FAM167A: variants seen among roughly 807,000 people sequenced by gnomAD.
The protein encoded by FAM167A is family with sequence similarity 167 member A, also known as protein FAM167A.
Under a neutral mutation model 14.9 loss-of-function variants are expected in FAM167A, and 23 were observed. The observed-to-expected ratio is 1.55, with a 90% confidence interval of 1.11 to 2.19. The LOEUF is 2.19. FAM167A is among the 30% of genes most tolerant of loss of function. FAM167A has a pLI of 0.00. For synonymous variants in FAM167A, 174 were observed against 117.7 expected, an observed-to-expected ratio of 1.48 and a Z score of -3.10; for missense variants, 401 against 281.5, an observed-to-expected ratio of 1.42 and a Z score of -3.04.
chr8:11,442,709 A>G (rs1485875895), intron 2 of FAM167A, among the ~76,000 whole-genome samples: 1 of 151,926 alleles, frequency 6.6e-6, no homozygotes, highest in Non-Finnish European at 1.5e-5. Context: ...CACCAAGAGC[A>G]CCAGGGGTGA....
At chr8:11,439,888 C>T (rs1478420469) in intron 2 of FAM167A, among the ~76,000 whole-genome samples, 1 of 152,120 alleles carries the variant, frequency 6.6e-6, no homozygotes, top group African/African-American at 2.4e-5. Flanking sequence ...TGCCCAGGGC[C>T]CCATCCCAGG....
At chr8:11,426,431 A>G (rs2116985730) in intron 2 of FAM167A, among the ~76,000 whole-genome samples, 1 of 152,348 alleles carries the variant, frequency 6.6e-6, no homozygotes, top group East Asian at 1.9e-4. Context: ...TAAGTATTTT[A>G]CAGAGTTTGT....
upstream of FAM167A, among the ~76,000 whole-genome samples, chr8:11,470,827 G>A (rs888556811): frequency 3.3e-5 from 5 of 152,048 alleles, no homozygotes; most frequent in South Asian, 2.1e-4. Context: ...TTGTCCATCC[G>A]TGGGCCCAGA....
chr8:11,426,620 G>T (rs888284557), intron 2 of FAM167A, among the ~76,000 whole-genome samples: 1 of 152,178 alleles, frequency 6.6e-6, no homozygotes. Context: ...CCTCAAAGAT[G>T]ATTTTGAGGG....
rs189572348 is a variant in FAM167A at position 11,425,759 on chromosome 8, G to A, written c.382-1123C>T. 4.2e-3 allele frequency among the ~76,000 whole-genome samples: 641 copies of A among 152,252 alleles called. 1 individual carries two copies. Among genetic ancestry groups the A allele is most frequent in the Middle Eastern group, 0.01 (3 of 294 alleles). On this transcript the variant is annotated intron_variant, in intron 2 of 2. Coordinates refer to ENST00000284486, the MANE Select transcript of FAM167A (RefSeq NM_053279.3). ...CTGACAAAACAGACTCTTTGTGGCA[G>A]TAAGGTAGCAAATTCCTGCCTCTGG...
At chr8:11,447,183 CT>C (rs1554528477) in intron 1 of FAM167A, among the ~76,000 whole-genome samples, 7 of 146,990 alleles carry the variant, frequency 4.8e-5, no homozygotes, top group Non-Finnish European at 4.5e-5. Context: ...GGTTTCTTTT[CT>C]TTTTCTTTTT....
intron 2 of FAM167A, among the ~76,000 whole-genome samples, chr8:11,438,873 C>A (rs756280767): frequency 1.1e-4 from 16 of 152,242 alleles, no homozygotes; most frequent in Non-Finnish European, 1.9e-4. Context: ...CAGTGCCTCG[C>A]TGATGGCTCC....
At chr8:11,452,943 T>C (rs1480770393) in intron 1 of FAM167A, among the ~76,000 whole-genome samples, 1 of 152,162 alleles carries the variant, frequency 6.6e-6, no homozygotes, top group Non-Finnish European at 1.5e-5. Flanking sequence ...GGCTGGCTGG[T>C]TCCCAGAACA....
chr8:11,474,354 C>A (rs191221293), intron 1 of FAM167A, among the ~76,000 whole-genome samples: 38 of 152,286 alleles, frequency 2.5e-4, no homozygotes, highest in African/African-American at 9.1e-4. Context: ...ATGAGGTAGC[C>A]CTGTTTGGAA....
chr8:11,448,166 C>G lies in FAM167A; in HGVS notation c.-397-3358G>C, dbSNP rs147044531. On this transcript the variant is annotated intron_variant, in intron 1 of 2. Transcript: ENST00000284486. The stretch of plus-strand genomic sequence containing the variant: ...CCAAGATCGCACTACTGCATTCCAG[C>G]CTGGGCGACAGGGCGAGACTCTGTC... Among the ~76,000 whole-genome samples the G allele has an allele frequency of 5.8e-3, 870 of 150,354 alleles. 9 individuals are homozygous for G. Among genetic ancestry groups the G allele is most frequent in the African/African-American group, 0.019 (768 of 40,860 alleles).
chr8:11,431,722 G>A (rs1026496554), intron 2 of FAM167A, among the ~76,000 whole-genome samples: 9 of 151,820 alleles, frequency 5.9e-5, no homozygotes, highest in Non-Finnish European at 1.2e-4. Context: ...CAGGTGCTGG[G>A]GAATGGGGGC....
At chr8:11,428,429 A>G (rs1268478327) in intron 2 of FAM167A, among the ~76,000 whole-genome samples, 3 of 152,256 alleles carry the variant, frequency 2.0e-5, no homozygotes, top group South Asian at 4.1e-4. Context: ...TCGCACGCCC[A>G]TGCTGTGCAC....
At chr8:11,428,317 T>C (rs1283381394) in intron 2 of FAM167A, among the ~76,000 whole-genome samples, 2 of 152,172 alleles carry the variant, frequency 1.3e-5, no homozygotes, top group African/African-American at 4.8e-5. Flanking sequence ...CAGAGAACAA[T>C]TTACTCTTTA....
intron 2 of FAM167A, among the ~76,000 whole-genome samples, chr8:11,439,180 CT>C (rs1319418387): frequency 1.3e-5 from 2 of 152,238 alleles, no homozygotes; most frequent in Non-Finnish European, 2.9e-5. Context: ...GTTCTACAAC[CT>C]TTCTGAGCCT....
intron 1 of FAM167A, among the ~76,000 whole-genome samples, chr8:11,460,403 C>T (rs1006309173): frequency 1.3e-5 from 2 of 152,182 alleles, no homozygotes; most frequent in African/African-American, 2.4e-5. Context: ...CCCTCTTCCA[C>T]CCTGACACAT....
At chr8:11,427,378 G>C (rs888138046) in intron 2 of FAM167A, among the ~76,000 whole-genome samples, 1 of 152,206 alleles carries the variant, frequency 6.6e-6, no homozygotes, top group African/African-American at 2.4e-5. Context: ...CACTGGGACA[G>C]GTTGCCAGCT....
At chr8:11,433,953 G>A (rs1563364564) in intron 2 of FAM167A, 1 of 152,180 alleles carries the variant, frequency 6.6e-6, no homozygotes, top group East Asian at 1.9e-4. Flanking sequence ...TGTTGTGCAG[G>A]AGAATCCACT....
chr8:11,469,889 TAAA>T (rs774225968), upstream of FAM167A, among the ~76,000 whole-genome samples: 19,808 of 129,524 alleles, frequency 0.15, 1,479 homozygotes, highest in Non-Finnish European at 0.19. Flanking sequence ...CAAAAATAAA[TAAA>T]TAAATAAATA....
At chr8:11,452,830 G>A (rs568603704) in intron 1 of FAM167A, among the ~76,000 whole-genome samples, 2 of 152,194 alleles carry the variant, frequency 1.3e-5, no homozygotes, top group African/African-American at 4.8e-5. Context: ...TGCCAGCACG[G>A]GCTGAGCAAT....
Sources: gnomAD v4.1 joint callset for allele counts (sites outside exome capture counted in the v4.1 genomes callset) on GRCh38, gnomAD v4.1.1 for gene constraint, MANE v1.5 for transcripts, NCBI Gene and HGNC (gene_info 2026-07-23, HGNC 2026-07-21) for gene names.